The following SLC4A5 variants were observed in gnomAD, a reference collection of about 807,000 sequenced individuals.
SLC4A5 encodes solute carrier family 4 member 5.
SLC4A5 carries 96 observed loss-of-function variants against 120.4 expected under a neutral mutation model. The ratio of observed to expected loss-of-function variants is 0.80; its 90% CI spans 0.68 to 0.94. The LOEUF (loss-of-function observed/expected upper bound fraction) is 0.94, where lower values mean the gene tolerates loss of function less well. SLC4A5 is among the 40% of genes least tolerant of loss of function. The probability of loss-of-function intolerance (pLI) is 0.00; values close to 1 mark genes in which losing one functional copy is unlikely to be tolerated. For missense variants in SLC4A5, 1,259 were observed against 1,459.5 expected, an observed-to-expected ratio of 0.86 and a Z score of 2.24; for synonymous variants, 550 against 571.1, an observed-to-expected ratio of 0.96 and a Z score of 0.53.
intron 3 of SLC4A5, among the ~76,000 whole-genome samples, chr2:74,334,514 CCT>C (rs1440520673): frequency 6.6e-6 from 1 of 152,192 alleles, no homozygotes; most frequent in Non-Finnish European, 1.5e-5. Context: ...CTAAAATGCC[CCT>C]CTCTGGTCAT....
chr2:74,320,552 T>A (rs1673069206), intron 5 of SLC4A5, among the ~76,000 whole-genome samples: 1 of 152,138 alleles, frequency 6.6e-6, no homozygotes, highest in South Asian at 2.1e-4. Flanking sequence ...CCAATCAAGC[T>A]ATCAATCAAG....
chr2:74,255,879 C>T lies in SLC4A5; in HGVS notation c.921G>A (p.Val307=). The change falls in exon 13 of 31, where the codon GTG becomes GTA. Residue 307 remains valine, a synonymous_variant. Transcript: ENST00000394019. The surrounding 1 kb of genome is among the most constrained non-coding windows in gnomAD (Gnocchi z 4.0). ...CTAGGAAGTCCACCTCGCCCACGAG[C>T]ACGTTGGACGCTTCTGAGTCCTTGG... The T allele has an allele frequency of 1.2e-6, 2 of 1,614,198 alleles. No individual in the cohort carries two copies. Among genetic ancestry groups the T allele is most frequent in the Non-Finnish European group, 1.7e-6 (2 of 1,180,044 alleles).
intron 8 of SLC4A5, among the ~76,000 whole-genome samples, chr2:74,277,005 C>G (rs1671665351): frequency 6.6e-6 from 1 of 152,126 alleles, no homozygotes; most frequent in African/African-American, 2.4e-5. Context: ...GCCAGCTTCC[C>G]AGACCCAGCC....
intron 3 of SLC4A5, among the ~76,000 whole-genome samples, chr2:74,336,582 T>C (rs953615025): frequency 6.6e-6 from 1 of 152,196 alleles, no homozygotes; most frequent in Non-Finnish European, 1.5e-5. Flanking sequence ...AGCACTGATA[T>C]GAACTACTAT....
chr2:74,246,113 C>CATG (rs1437215885), intron 19 of SLC4A5, among the ~76,000 whole-genome samples: 5 of 152,214 alleles, frequency 3.3e-5, no homozygotes, highest in African/African-American at 1.2e-4. Context: ...GGGGCATGAT[C>CATG]ATGACTATGG....
intron 7 of SLC4A5, among the ~76,000 whole-genome samples, chr2:74,300,366 G>C (rs1157705480): frequency 1.3e-5 from 2 of 152,192 alleles, no homozygotes; most frequent in Non-Finnish European, 2.9e-5. Flanking sequence ...GTAACTATGA[G>C]TGGTGATGAA....
At chr2:74,238,369 T>G (rs1670336112) in intron 21 of SLC4A5, among the ~76,000 whole-genome samples, 1 of 152,190 alleles carries the variant, frequency 6.6e-6, no homozygotes, top group Non-Finnish European at 1.5e-5. Flanking sequence ...GTTTTCATTT[T>G]GGTGAAATTT....
intron 8 of SLC4A5, among the ~76,000 whole-genome samples, chr2:74,265,488 G>A (rs1340470549): frequency 2.6e-5 from 4 of 152,164 alleles, no homozygotes; most frequent in Admixed American, 2.0e-4. Context: ...AAGTATACAG[G>A]GGCATGAGGG....
intron 5 of SLC4A5, among the ~76,000 whole-genome samples, chr2:74,317,781 C>G (rs1673003024): frequency 6.6e-6 from 1 of 152,248 alleles, no homozygotes; most frequent in South Asian, 2.1e-4. Flanking sequence ...TGGAGAACTT[C>G]CAGATTCCAA....
chr2:74,306,661 T>G (rs972031430), intron 6 of SLC4A5: 1 of 624,646 alleles, frequency 1.6e-6, no homozygotes, highest in Non-Finnish European at 2.5e-6. Context: ...TCTTTTTTTT[T>G]TTTTTAACCT....
intron 6 of SLC4A5, chr2:74,307,183 T>C (rs1181665613): frequency 1.8e-6 from 1 of 554,948 alleles, no homozygotes; most frequent in Non-Finnish European, 3.3e-6. Flanking sequence ...ACCACTGTGG[T>C]GCTCTCCTCC....
intron 7 of SLC4A5, among the ~76,000 whole-genome samples, chr2:74,299,234 C>A (rs1672409735): frequency 1.3e-5 from 2 of 152,104 alleles, no homozygotes; most frequent in East Asian, 1.9e-4. Context: ...GCATGTAATC[C>A]CAGATACTCG....
chr2:74,335,300 C>T (rs1294966380), intron 3 of SLC4A5, among the ~76,000 whole-genome samples: 8 of 152,200 alleles, frequency 5.3e-5, no homozygotes. Context: ...GCAGAGCTGC[C>T]ACTGGAGCCA....
chr2:74,254,097 G>A (rs1459094208), intron 14 of SLC4A5, among the ~76,000 whole-genome samples: 2 of 152,146 alleles, frequency 1.3e-5, no homozygotes, highest in African/African-American at 2.4e-5. Context: ...TGGCACAAAC[G>A]GAAAAAGAGT....
At chr2:74,237,305 G>C (rs1380359658) in intron 21 of SLC4A5, among the ~76,000 whole-genome samples, 1 of 152,062 alleles carries the variant, frequency 6.6e-6, no homozygotes, top group Non-Finnish European at 1.5e-5. Flanking sequence ...TAATGTGACG[G>C]AAAAAATGTT....
chr2:74,313,475 G>A (rs1672870925), intron 6 of SLC4A5, among the ~76,000 whole-genome samples: 1 of 152,130 alleles, frequency 6.6e-6, no homozygotes, highest in Non-Finnish European at 1.5e-5. Context: ...TAGGTACTAG[G>A]GGTCAGGTTA....
intron 25 of SLC4A5, among the ~76,000 whole-genome samples, chr2:74,228,304 C>G (rs973113519): frequency 2.6e-5 from 4 of 152,164 alleles, no homozygotes; most frequent in African/African-American, 9.7e-5. Context: ...TGATCTACAT[C>G]AGCAGCGAGT....
intron 21 of SLC4A5, among the ~76,000 whole-genome samples, chr2:74,235,654 A>G (rs1306152624): frequency 1.3e-5 from 2 of 152,180 alleles, no homozygotes; most frequent in African/African-American, 2.4e-5. Context: ...AGCCTGTGAC[A>G]GGTTGTTGTA....
At chr2:74,340,147 T>A (rs1422230537) in intron 2 of SLC4A5, among the ~76,000 whole-genome samples, 1 of 152,196 alleles carries the variant, frequency 6.6e-6, no homozygotes, top group South Asian at 2.1e-4. Context: ...AATGTGAATA[T>A]AATTAATGCC....
Sources: gnomAD v4.1 joint callset for allele counts (sites outside exome capture counted in the v4.1 genomes callset) on GRCh38, gnomAD v4.1.1 for gene constraint, Gnocchi (gnomAD v3.1) non-coding constraint, MANE v1.5 for transcripts, NCBI Gene and HGNC (gene_info 2026-07-23, HGNC 2026-07-21) for gene names.